Variants in PRKCE observed in about 807,000 individuals in gnomAD.
The protein encoded by PRKCE is protein kinase C epsilon, also known as protein kinase C epsilon type.
Under a neutral mutation model 85.4 loss-of-function variants are expected in PRKCE, and 16 were observed. The ratio of observed to expected loss-of-function variants is 0.19; its 90% CI spans 0.13 to 0.28. The LOEUF (loss-of-function observed/expected upper bound fraction) is 0.28, where lower values mean the gene tolerates loss of function less well. Among genes scored for constraint, PRKCE ranks in the 10% least tolerant of loss-of-function variants. PRKCE has a pLI of 1.00. For missense variants in PRKCE, 573 were observed against 975.2 expected, an observed-to-expected ratio of 0.59 and a Z score of 5.49; for synonymous variants, 388 against 371.5, an observed-to-expected ratio of 1.04 and a Z score of -0.51.
intron 14 of PRKCE, among the ~76,000 whole-genome samples, chr2:46,160,725 C>T (rs1370484478): frequency 1.3e-5 from 2 of 152,230 alleles, no homozygotes; most frequent in Non-Finnish European, 2.9e-5. Context: ...TCCTGCTCCC[C>T]TTCTCCAAGT....
chr2:45,848,393 C>G (rs1247282779), intron 2 of PRKCE, among the ~76,000 whole-genome samples: 1 of 152,172 alleles, frequency 6.6e-6, no homozygotes, highest in Non-Finnish European at 1.5e-5. Flanking sequence ...TTACTGCAAC[C>G]TTTGCCTCCT....
At chr2:45,807,491 C>A (rs1182012929) in intron 1 of PRKCE, among the ~76,000 whole-genome samples, 8 of 152,220 alleles carry the variant, frequency 5.3e-5, no homozygotes, top group Admixed American at 5.2e-4. Flanking sequence ...ATCCCATTTA[C>A]CCAAAACTAG....
chr2:46,045,401 C>T (rs1708460833), intron 10 of PRKCE, among the ~76,000 whole-genome samples: 1 of 152,200 alleles, frequency 6.6e-6, no homozygotes, highest in African/African-American at 2.4e-5. Flanking sequence ...CAGAATTTTG[C>T]CTGACTTATT....
intron 2 of PRKCE, among the ~76,000 whole-genome samples, chr2:45,877,418 C>G (rs761157004): frequency 4.3e-4 from 65 of 152,056 alleles, no homozygotes; most frequent in Middle Eastern, 3.2e-3. Flanking sequence ...TCCTCTTACT[C>G]TTTCTTCTAC....
chr2:45,884,972 TATATATATATATATATATATATATA>T (rs1695149163), intron 2 of PRKCE, among the ~76,000 whole-genome samples: 4 of 61,158 alleles, frequency 6.5e-5, no homozygotes, highest in Admixed American at 2.0e-4. Flanking sequence ...TATATATATA[TATATATATATATATATATATATATA>T]TATATTTGTT....
intron 1 of PRKCE, among the ~76,000 whole-genome samples, chr2:45,699,568 G>C (rs1678444998): frequency 6.6e-6 from 1 of 152,196 alleles, no homozygotes; most frequent in Non-Finnish European, 1.5e-5. Context: ...CAGCCCCCAT[G>C]CTGTGTGGGT....
intron 10 of PRKCE, among the ~76,000 whole-genome samples, chr2:46,033,229 G>A (rs983751613): frequency 5.9e-5 from 9 of 152,196 alleles, no homozygotes; most frequent in South Asian, 2.1e-4. Flanking sequence ...ATGACAGCAC[G>A]TCAACACATC....
chr2:46,102,820 C>T (rs1671363774), intron 11 of PRKCE, among the ~76,000 whole-genome samples: 1 of 152,170 alleles, frequency 6.6e-6, no homozygotes, highest in Admixed American at 6.5e-5. Flanking sequence ...TTCATTACAT[C>T]ACATCAAAGG....
At chr2:45,856,129 A>G (rs987420634) in intron 2 of PRKCE, among the ~76,000 whole-genome samples, 1 of 152,172 alleles carries the variant, frequency 6.6e-6, no homozygotes, top group African/African-American at 2.4e-5. Flanking sequence ...GATACAATGT[A>G]TTGTGTATAT....
intron 1 of PRKCE, among the ~76,000 whole-genome samples, chr2:45,731,874 G>A (rs1033266780): frequency 6.6e-6 from 1 of 151,952 alleles, no homozygotes. Flanking sequence ...CAAAGTGCTA[G>A]GTTTACAGAC....
At chr2:45,893,761 T>G (rs1027832826) in intron 2 of PRKCE, among the ~76,000 whole-genome samples, 1 of 152,240 alleles carries the variant, frequency 6.6e-6, no homozygotes, top group African/African-American at 2.4e-5. Flanking sequence ...CTGCAAATAC[T>G]CACTTGAACT....
chr2:46,142,385 A>T (rs1036867372), intron 11 of PRKCE, among the ~76,000 whole-genome samples: 1 of 152,166 alleles, frequency 6.6e-6, no homozygotes, highest in African/African-American at 2.4e-5. Flanking sequence ...AAGTCTTTGG[A>T]CCCACTCTTA....
chr2:45,958,319 C>G (rs1305156392), intron 2 of PRKCE, among the ~76,000 whole-genome samples: 2 of 151,332 alleles, frequency 1.3e-5, no homozygotes, highest in Non-Finnish European at 2.9e-5. Context: ...ACCAGCCTGG[C>G]TAACATGGTG....
intron 11 of PRKCE, among the ~76,000 whole-genome samples, chr2:46,107,214 G>T (rs1024792103): frequency 1.3e-5 from 2 of 152,104 alleles, no homozygotes; most frequent in African/African-American, 4.8e-5. Flanking sequence ...TGTAATTTTT[G>T]CCTTTGCAGA....
intron 1 of PRKCE, among the ~76,000 whole-genome samples, chr2:45,784,031 C>T (rs887088701): frequency 1.3e-5 from 2 of 152,260 alleles, no homozygotes; most frequent in African/African-American, 4.8e-5. Flanking sequence ...CCACTAGCAT[C>T]GCTGTATCCA....
At chr2:45,946,246 G>T (rs1342668348) in intron 2 of PRKCE, among the ~76,000 whole-genome samples, 1 of 152,230 alleles carries the variant, frequency 6.6e-6, no homozygotes, top group African/African-American at 2.4e-5. Context: ...TGGTTTGTGA[G>T]TTATGCCCGG....
rs562403665 is a variant in PRKCE, at chr2:45,923,521, G to A, written c.413-52908G>A. 5.3e-5 allele frequency among the ~76,000 whole-genome samples: 8 copies of A among 152,332 alleles called. No homozygotes were observed. In the East Asian group the frequency reaches 1.4e-3, roughly 26 times the overall value. Reference sequence around the variant, plus strand: ...GGAGACCAGCTTTGGAGGTAGAGCAGAGTCCAGGGACATCTCTAGTTTCTG... The same window carrying A: ...GGAGACCAGCTTTGGAGGTAGAGCAAAGTCCAGGGACATCTCTAGTTTCTG... On this transcript the variant is annotated intron_variant, in intron 2 of 14. Coordinates refer to ENST00000306156, the MANE Select transcript of PRKCE (RefSeq NM_005400.3).
intron 14 of PRKCE, among the ~76,000 whole-genome samples, chr2:46,180,880 A>G (rs1447500158): frequency 2.0e-5 from 3 of 152,216 alleles, no homozygotes; most frequent in Admixed American, 6.5e-5. Context: ...TCTTCCTCCT[A>G]CTCTATTCAG....
In PRKCE at chr2:45,796,253, C is replaced by G. The variant is rs553476967; in HGVS notation, c.349-46747C>G. Among the ~76,000 whole-genome samples the G allele has an allele frequency of 2.6e-5, 4 of 152,304 alleles. No homozygotes were observed. The East Asian group carries it at 7.7e-4, about 29-fold the overall frequency. Reference sequence around the variant, plus strand: ...ATAACGTAGTAATTGATGATAGACTCTAGAGCCAGGCTGCCTGGCTTCAAA... The same window carrying G: ...ATAACGTAGTAATTGATGATAGACTGTAGAGCCAGGCTGCCTGGCTTCAAA... On this transcript the variant is annotated intron_variant, in intron 1 of 14. Coordinates refer to ENST00000306156, the MANE Select transcript of PRKCE (RefSeq NM_005400.3).
Sources: allele counts gnomAD v4.1 joint callset (sites outside exome capture counted in the v4.1 genomes callset), GRCh38; gene constraint gnomAD v4.1.1; transcripts MANE v1.5; gene names NCBI Gene and HGNC (gene_info 2026-07-23, HGNC 2026-07-21).